Variants in RBFOX1 observed in about 807,000 individuals in gnomAD.
The protein encoded by RBFOX1 is RNA binding protein fox-1 homolog 1.
In RBFOX1, 8 loss-of-function variants were observed where a neutral mutation model predicts 57.7. That is an observed-to-expected ratio of 0.14 (90% CI 0.08 to 0.25). The LOEUF is 0.25. RBFOX1 is among the 10% of genes least tolerant of loss of function. The probability of loss-of-function intolerance (pLI) is 1.00; values close to 1 mark genes in which losing one functional copy is unlikely to be tolerated. For synonymous variants in RBFOX1, 326 were observed against 222.4 expected (o/e 1.47, Z -4.15); for missense variants, 611 against 548.5 (o/e 1.11, Z -1.14).
intron 4 of RBFOX1, among the ~76,000 whole-genome samples, chr16:7,375,434 C>T (rs569174909): frequency 2.0e-5 from 3 of 151,644 alleles, no homozygotes; most frequent in African/African-American, 7.3e-5. Context: ...AAATTAGCGG[C>T]TATGGAATCT....
intron 4 of RBFOX1, among the ~76,000 whole-genome samples, chr16:7,111,564 G>A (rs2064778939): frequency 6.6e-6 from 1 of 152,092 alleles, no homozygotes; most frequent in South Asian, 2.1e-4. Context: ...AGTTTTATCA[G>A]CTTATCCTGT....
At chr16:6,279,096 C>G (rs1162615025) in intron 1 of RBFOX1, among the ~76,000 whole-genome samples, 1 of 152,090 alleles carries the variant, frequency 6.6e-6, no homozygotes, top group African/African-American at 2.4e-5. Context: ...TATACCACCT[C>G]TCACTTATTT....
chr16:7,442,810 G>T (rs1302383124), intron 4 of RBFOX1, among the ~76,000 whole-genome samples: 1 of 152,172 alleles, frequency 6.6e-6, no homozygotes, highest in Non-Finnish European at 1.5e-5. Flanking sequence ...AGCTAATTTG[G>T]TCAGGGTGGC....
In RBFOX1 at chr16:6,780,298, T is replaced by C. The variant is rs1195171237; in HGVS notation, c.-16+125648T>C. Among the ~76,000 whole-genome samples the C allele has an allele frequency of 2.0e-3, 99 of 49,522 alleles. 16 individuals are homozygous for C. In the East Asian group the frequency reaches 0.14, roughly 68 times the overall value. 32.5% of individuals were successfully genotyped at this position (49,522 alleles called of 152,430 possible). A position where few individuals can be genotyped will look rare whatever the true frequency, so the allele number is the denominator to read the frequency against. On this transcript the variant is annotated intron_variant, in intron 3 of 15. Transcript: ENST00000550418. ...ATATATATTTATACATATATATATT[T>C]ATACATATATATATTTATTCATATT...
At chr16:5,420,465 C>A (rs34711853) in intron 1 of RBFOX1, among the ~76,000 whole-genome samples, 62,095 of 151,898 alleles carry the variant, frequency 0.41, 15,201 homozygotes, top group East Asian at 0.61. Flanking sequence ...CACACTCATA[C>A]ACTCATGTAC....
At chr16:6,319,462 A>T (rs1221473238) in intron 2 of RBFOX1, among the ~76,000 whole-genome samples, 1 of 152,168 alleles carries the variant, frequency 6.6e-6, no homozygotes, top group Non-Finnish European at 1.5e-5. Context: ...CAGGTACAAC[A>T]ATGGAAAGCT....
intron 4 of RBFOX1, among the ~76,000 whole-genome samples, chr16:7,298,079 G>A (rs569304669): frequency 5.9e-5 from 9 of 152,104 alleles, no homozygotes; most frequent in Admixed American, 5.9e-4. Context: ...ACTTCTTAGA[G>A]AATTTTCTTA....
chr16:5,990,034 A>G (rs1349273037), intron 4 of RBFOX1, among the ~76,000 whole-genome samples: 1 of 152,140 alleles, frequency 6.6e-6, no homozygotes, highest in Admixed American at 6.5e-5. Flanking sequence ...TCTGTTGCCC[A>G]GGCTGGAGTG....
intron 2 of RBFOX1, among the ~76,000 whole-genome samples, chr16:6,653,730 A>T (rs1165053354): frequency 6.6e-6 from 1 of 151,232 alleles, no homozygotes; most frequent in Non-Finnish European, 1.5e-5. Context: ...TGGATAGAGG[A>T]TGGATAGATG....
At chr16:6,417,833 G>GTTATT (rs1307355112) in intron 2 of RBFOX1, among the ~76,000 whole-genome samples, 1 of 151,438 alleles carries the variant, frequency 6.6e-6, no homozygotes, top group African/African-American at 2.4e-5. Context: ...GTATCCGTTA[G>GTTATT]TTATTTTTCC....
chr16:6,649,314 A>C (rs1044627018), intron 2 of RBFOX1, among the ~76,000 whole-genome samples: 2 of 152,186 alleles, frequency 1.3e-5, no homozygotes, highest in African/African-American at 4.8e-5. Context: ...TTGTGTATAT[A>C]TACCACATTT....
chr16:6,749,826 G>C (rs754443106), intron 3 of RBFOX1, among the ~76,000 whole-genome samples: 1 of 152,128 alleles, frequency 6.6e-6, no homozygotes, highest in Non-Finnish European at 1.5e-5. Flanking sequence ...TTTTTATTTC[G>C]TTTTGCTTTC....
intron 1 of RBFOX1, among the ~76,000 whole-genome samples, chr16:5,255,769 G>C: frequency 6.6e-6 from 1 of 151,966 alleles, no homozygotes; most frequent in South Asian, 2.1e-4. Flanking sequence ...ACAAAGACTC[G>C]TTAACCACCT....
intron 3 of RBFOX1, among the ~76,000 whole-genome samples, chr16:6,809,273 A>C (rs752547101): frequency 1.3e-5 from 2 of 152,194 alleles, no homozygotes; most frequent in Non-Finnish European, 2.9e-5. Context: ...TTCATTGCTC[A>C]ATTAAACTTC....
chr16:6,790,460 C>A (rs1042555552), intron 3 of RBFOX1, among the ~76,000 whole-genome samples: 3 of 152,134 alleles, frequency 2.0e-5, no homozygotes, highest in African/African-American at 7.2e-5. Flanking sequence ...GCTGGGAATA[C>A]AGGCGTGAGG....
chr16:5,482,315 A>G (rs1650769389), intron 2 of RBFOX1, among the ~76,000 whole-genome samples: 1 of 152,168 alleles, frequency 6.6e-6, no homozygotes, highest in Admixed American at 6.5e-5. Flanking sequence ...TGTGATGCAC[A>G]CCATTCGGTA....
chr16:7,084,086 C>G (rs867366659), intron 4 of RBFOX1, among the ~76,000 whole-genome samples: 1 of 152,238 alleles, frequency 6.6e-6, no homozygotes, highest in East Asian at 1.9e-4. Context: ...CAAACGTCTG[C>G]AAAGCATGGG....
intron 1 of RBFOX1, among the ~76,000 whole-genome samples, chr16:6,129,968 A>G (rs1440247388): frequency 1.3e-5 from 2 of 152,104 alleles, no homozygotes; most frequent in Non-Finnish European, 2.9e-5. Flanking sequence ...AGGTGAAATA[A>G]ACACATTTTC....
At chr16:6,594,514 G>A (rs1250597202) in intron 2 of RBFOX1, among the ~76,000 whole-genome samples, 1 of 152,088 alleles carries the variant, frequency 6.6e-6, no homozygotes, top group African/African-American at 2.4e-5. Flanking sequence ...TTGACATGTA[G>A]GAATCAGTGC....
Sources: allele counts gnomAD v4.1 joint callset (sites outside exome capture counted in the v4.1 genomes callset), GRCh38; gene constraint gnomAD v4.1.1; transcripts MANE v1.5; gene names NCBI Gene and HGNC (gene_info 2026-07-23, HGNC 2026-07-21).